The following ERC2 variants were observed in gnomAD, a reference collection of about 807,000 sequenced individuals.
ERC2 encodes ERC protein 2.
In ERC2, 42 loss-of-function variants were observed where a neutral mutation model predicts 114.8. The observed-to-expected ratio is 0.37, with a 90% CI of 0.29 to 0.47. ERC2 has a LOEUF of 0.47. ERC2 is among the 20% of genes least tolerant of loss of function. ERC2 has a pLI of 0.99. For missense variants in ERC2, 939 were observed against 1,150.7 expected (o/e 0.82, Z 2.66); for synonymous variants, 454 against 425.5 (o/e 1.07, Z -0.82).
In ERC2 at chr3:55,859,862, A is replaced by G. The variant is rs2061956627; in HGVS notation, c.2564+28527T>C. ...TACAGACAGAAGACAAACCAGGGGGATGACACTGTGCTTTCAAAATTGATT... is the reference window on the plus strand; with the variant it reads ...TACAGACAGAAGACAAACCAGGGGGGTGACACTGTGCTTTCAAAATTGATT... On this transcript the variant is annotated intron_variant, in intron 14 of 17. Transcript: ENST00000288221. Among the ~76,000 whole-genome samples, 4 of 152,080 alleles carry G rather than the reference A, an allele frequency of 2.6e-5. No individual in the cohort carries two copies. The South Asian group carries it at 8.3e-4, about 32-fold the overall frequency.
chr3:55,846,687 C>T (rs866868342), intron 14 of ERC2, among the ~76,000 whole-genome samples: 85 of 126,750 alleles, frequency 6.7e-4, no homozygotes, highest in African/African-American at 2.0e-3. Flanking sequence ...CTCTCTCTCT[C>T]TCTCTTTCTC....
chr3:56,424,494 G>A (rs1051894970), intron 2 of ERC2, among the ~76,000 whole-genome samples: 4 of 152,332 alleles, frequency 2.6e-5, no homozygotes, highest in East Asian at 1.9e-4. Context: ...AGGGCCGACT[G>A]CAAGAGATTA....
chr3:55,848,549 C>T (rs6768151), intron 14 of ERC2, among the ~76,000 whole-genome samples: 26,404 of 152,156 alleles, frequency 0.17, 3,286 homozygotes, highest in African/African-American at 0.35. Context: ...CTGGCACCTC[C>T]GCCGTCATCT....
At position 55,592,331 on chromosome 3, in the gene ERC2, C is replaced by T. The variant is rs190700059; in HGVS notation, c.*40-81055G>A. 5.2e-3 allele frequency among the ~76,000 whole-genome samples: 794 copies of T among 152,292 alleles called. 2 individuals carry two copies. Among genetic ancestry groups the T allele is most frequent in the Middle Eastern group, 0.017 (5 of 294 alleles). On this transcript the variant is annotated intron_variant, in intron 17 of 17. Coordinates refer to ENST00000288221, the MANE Select transcript of ERC2 (RefSeq NM_015576.3). ...AGCTTCTGTTTTGAAAATAAACACCCTTTTGGATTCCACCCTTTCTAGGCC... is the reference window on the plus strand; with the variant it reads ...AGCTTCTGTTTTGAAAATAAACACCTTTTTGGATTCCACCCTTTCTAGGCC...
chr3:55,700,985 G>A (rs185525626), intron 15 of ERC2, among the ~76,000 whole-genome samples: 63 of 152,222 alleles, frequency 4.1e-4, no homozygotes, highest in East Asian at 7.7e-4. Context: ...GGAAGGTCAC[G>A]GAGAGTTGAG....
intron 3 of ERC2, among the ~76,000 whole-genome samples, chr3:56,287,301 T>C (rs2054786113): frequency 6.6e-6 from 1 of 152,224 alleles, no homozygotes; most frequent in Non-Finnish European, 1.5e-5. Flanking sequence ...AGTGAGATAT[T>C]CAAGAAGTTA....
At chr3:56,136,206 C>A (rs2080495908) in intron 6 of ERC2, among the ~76,000 whole-genome samples, 1 of 152,092 alleles carries the variant, frequency 6.6e-6, no homozygotes. Context: ...GGTAGCAAAA[C>A]CTTCTTTACA....
intron 3 of ERC2, among the ~76,000 whole-genome samples, chr3:56,291,617 C>G (rs1335541177): frequency 6.6e-6 from 1 of 152,132 alleles, no homozygotes; most frequent in Admixed American, 6.6e-5. Context: ...ACTCCATTCC[C>G]CAGCTTCACA....
At chr3:55,877,132 T>C (rs2062888061) in intron 14 of ERC2, among the ~76,000 whole-genome samples, 1 of 152,162 alleles carries the variant, frequency 6.6e-6, no homozygotes, top group Admixed American at 6.5e-5. Context: ...ACCACTGGTA[T>C]TTTGGGCCAG....
intron 3 of ERC2, among the ~76,000 whole-genome samples, chr3:56,285,285 T>C (rs1347061294): frequency 6.6e-6 from 1 of 151,796 alleles, no homozygotes; most frequent in African/African-American, 2.4e-5. Context: ...TGGGTCACTC[T>C]ATACCAGCAG....
chr3:56,273,789 A>T (rs2053816940), intron 3 of ERC2, among the ~76,000 whole-genome samples: 1 of 152,240 alleles, frequency 6.6e-6, no homozygotes, highest in Non-Finnish European at 1.5e-5. Context: ...TCTATCTGCC[A>T]GAACACTGTT....
intron 13 of ERC2, among the ~76,000 whole-genome samples, chr3:55,937,707 T>A (rs1417496599): frequency 6.6e-6 from 1 of 152,270 alleles, no homozygotes; most frequent in Non-Finnish European, 1.5e-5. Flanking sequence ...GTAACTAAAC[T>A]GATAATATAA....
intron 3 of ERC2, among the ~76,000 whole-genome samples, chr3:56,281,216 T>A (rs940675126): frequency 2.0e-5 from 3 of 151,838 alleles, no homozygotes; most frequent in African/African-American, 7.3e-5. Context: ...GGCGGGCGGA[T>A]CACGAGGTCA....
At chr3:55,967,586 C>T (rs2068834865) in intron 12 of ERC2, among the ~76,000 whole-genome samples, 1 of 152,066 alleles carries the variant, frequency 6.6e-6, no homozygotes, top group South Asian at 2.1e-4. Context: ...AAACTGAAAA[C>T]CCTTATGAAA....
chr3:55,847,397 A>G (rs1452834357), intron 14 of ERC2, among the ~76,000 whole-genome samples: 1 of 152,242 alleles, frequency 6.6e-6, no homozygotes, highest in Non-Finnish European at 1.5e-5. Flanking sequence ...ATATGAATTC[A>G]TAGTCATATG....
chr3:56,336,139 T>A (rs6793746), intron 2 of ERC2, among the ~76,000 whole-genome samples: 47,048 of 151,944 alleles, frequency 0.31, 7,364 homozygotes, highest in Admixed American at 0.34. Context: ...GTCTAGGAAG[T>A]AGAGGCAACA....
intron 5 of ERC2, among the ~76,000 whole-genome samples, chr3:56,147,515 A>T (rs903932972): frequency 1.3e-5 from 2 of 152,182 alleles, no homozygotes; most frequent in African/African-American, 2.4e-5. Flanking sequence ...TAAACACTGG[A>T]TAAATATAAT....
At chr3:55,863,684 C>T (rs1270746173) in intron 14 of ERC2, among the ~76,000 whole-genome samples, 1 of 151,948 alleles carries the variant, frequency 6.6e-6, no homozygotes, top group Non-Finnish European at 1.5e-5. Context: ...ACAGCACAAA[C>T]CAGATTTTCT....
At chr3:56,393,848 G>A (rs1449052325) in intron 2 of ERC2, among the ~76,000 whole-genome samples, 5 of 152,130 alleles carry the variant, frequency 3.3e-5, no homozygotes, top group African/African-American at 1.2e-4. Flanking sequence ...GATCAAAGAA[G>A]CTTCATAGCA....
Sources: gnomAD v4.1 joint callset for allele counts (sites outside exome capture counted in the v4.1 genomes callset) on GRCh38, gnomAD v4.1.1 for gene constraint, MANE v1.5 for transcripts, NCBI Gene and HGNC (gene_info 2026-07-23, HGNC 2026-07-21) for gene names.